Variants in TTC27 observed in about 807,000 individuals in gnomAD.
TTC27 encodes the protein tetratricopeptide repeat protein 27.
TTC27 carries 79 observed loss-of-function variants against 115.9 expected under a neutral mutation model. The ratio of observed to expected loss-of-function variants is 0.68; its 90% CI spans 0.57 to 0.82. The LOEUF (loss-of-function observed/expected upper bound fraction) is 0.82. TTC27 is among the 40% of genes least tolerant of loss of function. TTC27 has a pLI of 0.00. For synonymous variants in TTC27, 401 were observed against 356.0 expected, an observed-to-expected ratio of 1.13 and a Z score of -1.42; for missense variants, 1,054 against 993.1, an observed-to-expected ratio of 1.06 and a Z score of -0.82.
At chr2:32,669,650 C>T (rs1665933719) in intron 7 of TTC27, among the ~76,000 whole-genome samples, 1 of 151,856 alleles carries the variant, frequency 6.6e-6, no homozygotes, top group Non-Finnish European at 1.5e-5. Flanking sequence ...TTTGGGAGGC[C>T]GAGGTGGGAG....
intron 16 of TTC27, among the ~76,000 whole-genome samples, chr2:32,795,022 A>G (rs1047536764): frequency 6.6e-6 from 1 of 152,144 alleles, no homozygotes; most frequent in Admixed American, 6.5e-5. Context: ...AAGAAGTCAC[A>G]ACAATCTTTC....
intron 10 of TTC27, among the ~76,000 whole-genome samples, chr2:32,720,835 A>T (rs1667900127): frequency 6.6e-6 from 1 of 152,208 alleles, no homozygotes; most frequent in African/African-American, 2.4e-5. Flanking sequence ...TCTATTAAAG[A>T]CTACTCTCTC....
At chr2:32,803,508 C>T (rs1364666238) in intron 16 of TTC27, among the ~76,000 whole-genome samples, 1 of 152,158 alleles carries the variant, frequency 6.6e-6, no homozygotes, top group African/African-American at 2.4e-5. Context: ...TGTTCTCCAC[C>T]ATATTAGGAT....
At chr2:32,817,580 T>C (rs754645308) in intron 19 of TTC27, 23 bp downstream of exon 19, 11 of 1,591,388 alleles carry the variant, frequency 6.9e-6, no homozygotes, top group South Asian at 3.3e-5. Context: ...TGTGAATTAA[T>C]TGGAATTGTC....
intron 9 of TTC27, 130 bp downstream of exon 9, chr2:32,679,052 C>T (rs1666328779): frequency 1.4e-6 from 1 of 702,854 alleles, no homozygotes; most frequent in Non-Finnish European, 2.3e-6. Flanking sequence ...AAAAATCTTA[C>T]CACTGTAGTT....
intron 12 of TTC27, among the ~76,000 whole-genome samples, chr2:32,751,918 AT>A (rs1409026421): frequency 6.6e-6 from 1 of 151,970 alleles, no homozygotes; most frequent in Middle Eastern, 3.2e-3. Context: ...AAACCTAGAA[AT>A]TTTTTTCTTT....
At chr2:32,733,005 T>C (rs375572256) in intron 10 of TTC27, among the ~76,000 whole-genome samples, 32 of 151,924 alleles carry the variant, frequency 2.1e-4, no homozygotes, top group African/African-American at 7.5e-4. Context: ...CAGGAGAAAA[T>C]GATCATGATA....
intron 16 of TTC27, among the ~76,000 whole-genome samples, chr2:32,802,502 C>T (rs1433109150): frequency 1.3e-5 from 2 of 152,166 alleles, no homozygotes; most frequent in African/African-American, 4.8e-5. Flanking sequence ...TGCTTCCTCT[C>T]CTCATCCTCT....
chr2:32,644,313 C>T (rs923017875), intron 4 of TTC27, among the ~76,000 whole-genome samples: 9 of 150,404 alleles, frequency 6.0e-5, no homozygotes, highest in East Asian at 2.0e-4. Flanking sequence ...GATCGCGCAC[C>T]GCACTCCAGC....
intron 10 of TTC27, among the ~76,000 whole-genome samples, chr2:32,733,055 A>G (rs1024816496): frequency 3.3e-5 from 5 of 152,296 alleles, no homozygotes; most frequent in African/African-American, 7.2e-5. Context: ...CAATCCCACA[A>G]TGTGTCTTCA....
At chr2:32,694,180 A>G (rs1666906859) in intron 9 of TTC27, among the ~76,000 whole-genome samples, 1 of 152,228 alleles carries the variant, frequency 6.6e-6, no homozygotes, top group Admixed American at 6.5e-5. Flanking sequence ...ATGAGTATGA[A>G]TTATTGGAAT....
chr2:32,648,576 C>A (rs1664959397), intron 4 of TTC27, among the ~76,000 whole-genome samples: 4 of 151,754 alleles, frequency 2.6e-5, no homozygotes, highest in Admixed American at 2.0e-4. Context: ...CATACCTGGC[C>A]ATACTTTTAT....
intron 16 of TTC27, among the ~76,000 whole-genome samples, chr2:32,791,971 G>T (rs999204414): frequency 1.3e-5 from 2 of 152,100 alleles, no homozygotes; most frequent in Admixed American, 6.5e-5. Flanking sequence ...AACAGTTATG[G>T]AACATTTTCA....
chr2:32,732,858 C>G (rs1200515744), intron 10 of TTC27, among the ~76,000 whole-genome samples: 1 of 151,958 alleles, frequency 6.6e-6, no homozygotes, highest in East Asian at 1.9e-4. Context: ...GAAAACTAGT[C>G]AACTGGCAAA....
At chr2:32,748,780 C>T (rs754384036) in intron 12 of TTC27, among the ~76,000 whole-genome samples, 8 of 151,564 alleles carry the variant, frequency 5.3e-5, no homozygotes, top group Non-Finnish European at 1.2e-4. Flanking sequence ...CTCTGCCTCC[C>T]AGGTTTCAGT....
At chr2:32,801,075 C>G (rs1670917816) in intron 16 of TTC27, among the ~76,000 whole-genome samples, 1 of 152,136 alleles carries the variant, frequency 6.6e-6, no homozygotes, top group Non-Finnish European at 1.5e-5. Context: ...CAGTGACATT[C>G]ATATGTTTAT....
intron 5 of TTC27, among the ~76,000 whole-genome samples, chr2:32,650,933 A>G (rs1665098693): frequency 6.6e-6 from 1 of 152,178 alleles, no homozygotes; most frequent in Admixed American, 6.5e-5. Flanking sequence ...ACTTTGGAAA[A>G]GAGGAGAATC....
At chr2:32,755,092 C>A (rs893920601) in intron 12 of TTC27, among the ~76,000 whole-genome samples, 6 of 151,970 alleles carry the variant, frequency 3.9e-5, no homozygotes, top group African/African-American at 1.5e-4. Flanking sequence ...CTCCTCACTT[C>A]CTAGATGGGA....
intron 12 of TTC27, among the ~76,000 whole-genome samples, chr2:32,749,802 T>A (rs989940221): frequency 6.6e-6 from 1 of 152,224 alleles, no homozygotes; most frequent in Non-Finnish European, 1.5e-5. Context: ...TACTTGGAAT[T>A]ATTGTAGGGA....
Sources: allele counts gnomAD v4.1 joint callset (sites outside exome capture counted in the v4.1 genomes callset), GRCh38; gene constraint gnomAD v4.1.1; transcripts MANE v1.5; gene names NCBI Gene and HGNC (gene_info 2026-07-23, HGNC 2026-07-21).